The following FIP1L1 variants were observed in gnomAD, a reference collection of about 807,000 sequenced individuals.
The protein encoded by FIP1L1 is factor interacting with PAPOLA and CPSF1.
A neutral mutation model predicts 84.6 loss-of-function variants in FIP1L1; 21 were observed. That is an observed-to-expected ratio of 0.25 (90% CI 0.18 to 0.36). The LOEUF is 0.36. Ranked by LOEUF, FIP1L1 falls within the 10% of genes least tolerant of loss-of-function variation. The pLI is 1.00. For synonymous variants in FIP1L1, 263 were observed against 242.3 expected (o/e 1.09, Z -0.80); for missense variants, 526 against 751.1 (o/e 0.70, Z 3.50).
chr4:53,434,125 C>T (rs1768006526), intron 13 of FIP1L1, among the ~76,000 whole-genome samples: 1 of 151,768 alleles, frequency 6.6e-6, no homozygotes, highest in Non-Finnish European at 1.5e-5. Context: ...ACTGCAGATC[C>T]CATAGAGCTT....
intron 9 of FIP1L1, among the ~76,000 whole-genome samples, chr4:53,394,340 A>G (rs1373293548): frequency 1.3e-5 from 2 of 152,172 alleles, no homozygotes; most frequent in African/African-American, 2.4e-5. Context: ...GTGGGCTGCT[A>G]AAATTGATTG....
intron 13 of FIP1L1, among the ~76,000 whole-genome samples, chr4:53,429,197 C>T (rs977745666): frequency 6.6e-6 from 1 of 152,134 alleles, no homozygotes; most frequent in Non-Finnish European, 1.5e-5. Flanking sequence ...CCTCTACTCT[C>T]AAAAAGTATG....
intron 9 of FIP1L1, among the ~76,000 whole-genome samples, chr4:53,396,351 A>G (rs1291217053): frequency 6.6e-6 from 1 of 152,248 alleles, no homozygotes; most frequent in Non-Finnish European, 1.5e-5. Context: ...CATGGTGAGA[A>G]AAAGATTCAA....
intron 9 of FIP1L1, among the ~76,000 whole-genome samples, chr4:53,397,864 G>T (rs1192303262): frequency 1.3e-5 from 2 of 152,184 alleles, no homozygotes; most frequent in East Asian, 3.8e-4. Context: ...TAGAGGATCA[G>T]ATTAGGGGAA....
At chr4:53,383,654 T>G in intron 4 of FIP1L1, 119 bp from the exon 5 acceptor site, 2 of 963,354 alleles carry the variant, frequency 2.1e-6, no homozygotes, top group Non-Finnish European at 2.9e-6. Context: ...AAAGTGAGAG[T>G]CTGTCTCAAG....
chr4:53,393,778 C>CA (rs1745745925), intron 9 of FIP1L1, among the ~76,000 whole-genome samples: 1 of 118,158 alleles, frequency 8.5e-6, no homozygotes, highest in Non-Finnish European at 1.8e-5. Flanking sequence ...CCCCCCCCCC[C>CA]CCCGCCCCCG....
Position 53,414,637 on chromosome 4 carries a change from C to CA in FIP1L1, c.839dup (p.Thr281AspfsTer26), listed in dbSNP as rs772013647. The stretch of plus-strand genomic sequence containing the variant: ...CAGAAACAGCACTTCTTCTCAGTCT[C>CA]AGACAAGTACTGCCTCCAGAAAAGC... On this transcript the variant is annotated frameshift_variant, in exon 11 of 18. Coordinates refer to ENST00000337488, the MANE Select transcript of FIP1L1 (RefSeq NM_030917.4). LOFTEE classifies it high-confidence loss of function. 6.2e-7 allele frequency: 1 copy of CA among 1,612,684 alleles called. No individual in the cohort carries two copies.
intron 15 of FIP1L1, 130 bp from the exon 16 acceptor site, chr4:53,452,790 T>G (rs1326114322): frequency 1.2e-5 from 8 of 662,780 alleles, no homozygotes; most frequent in Non-Finnish European, 1.8e-5. Context: ...GGGTATTCAT[T>G]CACCATGTGA....
intron 10 of FIP1L1, among the ~76,000 whole-genome samples, chr4:53,409,858 G>A (rs1275592584): frequency 1.3e-5 from 2 of 152,216 alleles, no homozygotes; most frequent in Admixed American, 6.5e-5. Flanking sequence ...GCAGTATTAG[G>A]GTGGGAGTGA....
chr4:53,390,957 C>T, intron 7 of FIP1L1, 52 bp from the exon 8 acceptor site: 1 of 1,428,678 alleles, frequency 7.0e-7, no homozygotes, highest in Non-Finnish European at 9.4e-7. Context: ...TTTGATGCTG[C>T]ATAAAAATAG....
At chr4:53,443,304 C>T (rs751986271) in intron 14 of FIP1L1, among the ~76,000 whole-genome samples, 4 of 151,994 alleles carry the variant, frequency 2.6e-5, no homozygotes, top group Non-Finnish European at 5.9e-5. Flanking sequence ...GTTCGTAAGC[C>T]CTTTGAGACT....
Position 53,442,710 on chromosome 4 carries a change from A to G in FIP1L1, c.1229+3A>G, listed in dbSNP as rs369178872. 2.3e-5 allele frequency: 36 copies of G among 1,578,770 alleles called. No homozygotes were observed. The African/African-American group carries it at 4.4e-4, about 19-fold the overall frequency. On this transcript the variant is annotated splice_donor_region_variant and intron_variant, in intron 14 of 17. Coordinates refer to ENST00000337488, the MANE Select transcript of FIP1L1 (RefSeq NM_030917.4). Reference sequence around the variant, plus strand: ...TCTCTTATACCAACAATAGAAAGGTAAATCAGTATGGATACTGATTTTTGA... The same window carrying G: ...TCTCTTATACCAACAATAGAAAGGTGAATCAGTATGGATACTGATTTTTGA...
chr4:53,424,856 G>A (rs1279449944), intron 11 of FIP1L1, among the ~76,000 whole-genome samples: 2 of 152,076 alleles, frequency 1.3e-5, no homozygotes, highest in African/African-American at 4.8e-5. Flanking sequence ...TCATGCTTGT[G>A]TCAGTGATTT....
chr4:53,447,256 A>G (rs1171982417), intron 15 of FIP1L1, among the ~76,000 whole-genome samples: 5 of 152,016 alleles, frequency 3.3e-5, no homozygotes, highest in Non-Finnish European at 7.4e-5. Flanking sequence ...CTCAGTTATC[A>G]TTACTACCCT....
intron 15 of FIP1L1, among the ~76,000 whole-genome samples, chr4:53,448,095 A>G (rs181748008): frequency 3.9e-4 from 60 of 152,226 alleles, no homozygotes; most frequent in Non-Finnish European, 6.6e-4. Context: ...CCTCAAGTAC[A>G]TAAAGATATT....
intron 4 of FIP1L1, among the ~76,000 whole-genome samples, chr4:53,383,329 G>A (rs1380780266): frequency 2.6e-5 from 4 of 152,124 alleles, no homozygotes; most frequent in African/African-American, 9.7e-5. Flanking sequence ...ATAGGTGGCA[G>A]CATTATAAGC....
intron 10 of FIP1L1, among the ~76,000 whole-genome samples, chr4:53,400,169 T>A (rs985342996): frequency 1.8e-4 from 28 of 152,200 alleles, no homozygotes; most frequent in Non-Finnish European, 3.8e-4. Flanking sequence ...TCCCTATTCT[T>A]ACATAAAGAA....
chr4:53,441,081 T>C (rs2150213397), intron 13 of FIP1L1: 1 of 154,006 alleles, frequency 6.5e-6, no homozygotes, highest in Non-Finnish European at 1.4e-5. Context: ...AGGTGGCTGT[T>C]CTTAGAGTGG....
At chr4:53,395,776 A>G (rs1199024778) in intron 9 of FIP1L1, among the ~76,000 whole-genome samples, 2 of 151,822 alleles carry the variant, frequency 1.3e-5, no homozygotes, top group African/African-American at 2.4e-5. Context: ...ATCTACGTTA[A>G]TTTTTCTGAT....
Sources: allele counts gnomAD v4.1 joint callset (sites outside exome capture counted in the v4.1 genomes callset), GRCh38; gene constraint gnomAD v4.1.1; transcripts MANE v1.5; gene names NCBI Gene and HGNC (gene_info 2026-07-23, HGNC 2026-07-21).